FNDC10: variants seen among roughly 807,000 people sequenced by gnomAD.
FNDC10 encodes fibronectin type III domain containing 10, also known as fibronectin type III domain-containing protein 10.
In FNDC10, 8 loss-of-function variants were observed where a neutral mutation model predicts 11.6. That is an observed-to-expected ratio of 0.69 (90% CI 0.41 to 1.25). The LOEUF (loss-of-function observed/expected upper bound fraction) is 1.25. Among genes scored for constraint, FNDC10 ranks in the 50% most tolerant of loss-of-function variants. The pLI is 0.01. For synonymous variants in FNDC10, 187 were observed against 162.9 expected (o/e 1.15, Z -1.12); for missense variants, 308 against 330.2 (o/e 0.93, Z 0.52).
At position 1,598,830 on chromosome 1, in the gene FNDC10, G is replaced by C. The variant is rs571699735; in HGVS notation, c.*505C>G. 2.5e-5 allele frequency: 4 copies of C among 157,626 alleles called. No homozygotes were observed. The Admixed American group carries it at 2.6e-4, about 10-fold the overall frequency. 9.8% of individuals were successfully genotyped at this position (157,626 alleles called of 1,614,324 possible). On this transcript the variant is annotated 3_prime_UTR_variant, in exon 1 of 1. Transcript: ENST00000422725. ...CCACAGACCCCCCCTGGACAGCAGA[G>C]GGTGTTGGCTCCTGCAGTGGGCCCG...
At position 1,600,049 on chromosome 1, in the gene FNDC10, C is replaced by A. The variant is rs1171835037; in HGVS notation, c.-34G>T. The A allele has an allele frequency of 2.1e-6, 2 of 971,066 alleles. No homozygotes were observed. Among genetic ancestry groups the A allele is most frequent in the South Asian group, 9.4e-5 (2 of 21,250 alleles). 60.2% of individuals were successfully genotyped at this position (971,066 alleles called of 1,614,324 possible). On this transcript the variant is annotated 5_prime_UTR_variant, in exon 1 of 1. Coordinates refer to ENST00000422725, the MANE Select transcript of FNDC10 (RefSeq NM_001242659.2). ...GGGGCCACGGGGCGCGGCGCTGGGT[C>A]ACGCGGGCCGCGCCGCCGCCGTCCC... is the stretch of plus-strand genomic sequence containing the variant.
chr1:1,599,125 G>A lies in FNDC10; in HGVS notation c.*210C>T, dbSNP rs1249166485. The A allele has an allele frequency of 1.9e-5, 11 of 566,006 alleles. No homozygotes were observed. Among genetic ancestry groups the A allele is most frequent in the African/African-American group, 1.8e-4 (9 of 50,480 alleles). The allele number at this position is 566,006 out of a possible 1,614,324, so 35.1% of individuals were successfully genotyped here. On this transcript the variant is annotated 3_prime_UTR_variant, in exon 1 of 1. Transcript: ENST00000422725. The surrounding 1 kb of genome is among the most constrained non-coding windows in gnomAD (Gnocchi z 6.7). Reference sequence around the variant, plus strand: ...GGCTGGCACAGCAGCGCAAGCCCAGGGGCCAATCCGGGGCCAGAGTCTGGG... The same window carrying A: ...GGCTGGCACAGCAGCGCAAGCCCAGAGGCCAATCCGGGGCCAGAGTCTGGG...
Position 1,598,064 on chromosome 1 carries a change from C to A in FNDC10, c.*1271G>T, listed in dbSNP as rs139972353. 6.6e-6 allele frequency: 1 copy of A among 152,288 alleles called. No individual in the cohort carries two copies. Among genetic ancestry groups the A allele is most frequent in the African/African-American group, 2.4e-5 (1 of 41,442 alleles). 9.4% of individuals were successfully genotyped at this position (152,288 alleles called of 1,614,324 possible). On this transcript the variant is annotated 3_prime_UTR_variant, in exon 1 of 1. Transcript: ENST00000422725. ...CACTGGCGCCAGGTTTGCGCCTGAC[C>A]GGCGCCACGCAGGGGTGGGCGGAGC...
In FNDC10 at chr1:1,600,032, G is replaced by C; in HGVS notation, c.-17C>G. Reference sequence around the variant, plus strand: ...GGCGCGCATCCTGCGGCGGGGCCACGGGGCGCGGCGCTGGGTCACGCGGGC... The same window carrying C: ...GGCGCGCATCCTGCGGCGGGGCCACCGGGCGCGGCGCTGGGTCACGCGGGC... On this transcript the variant is annotated 5_prime_UTR_variant, in exon 1 of 1. Coordinates refer to ENST00000422725, the MANE Select transcript of FNDC10 (RefSeq NM_001242659.2). 1 of 977,900 alleles carries C rather than the reference G, an allele frequency of 1.0e-6. No homozygotes were observed. Among genetic ancestry groups the C allele is most frequent in the Non-Finnish European group, 1.2e-6 (1 of 826,268 alleles). The allele number at this position is 977,900 out of a possible 1,614,324, so 60.6% of individuals were successfully genotyped here.
rs1490580274 is a variant in FNDC10 at position 1,598,077 on chromosome 1, GGGTGGGCGGAGCAAAGACACACA to G, written c.*1235_*1257del. Reference sequence around the variant, plus strand: ...TTTGCGCCTGACCGGCGCCACGCAGGGGTGGGCGGAGCAAAGACACACAGGTGGGCTACAGGTGTCACACGGCA... The same window carrying G: ...TTTGCGCCTGACCGGCGCCACGCAGGGGTGGGCTACAGGTGTCACACGGCA... On this transcript the variant is annotated 3_prime_UTR_variant, in exon 1 of 1. Coordinates refer to ENST00000422725, the MANE Select transcript of FNDC10 (RefSeq NM_001242659.2). 6.6e-6 allele frequency: 1 copy of G among 152,354 alleles called. No individual in the cohort carries two copies. The highest frequency in any genetic ancestry group is 2.4e-5 in the African/African-American group (1 of 41,480). 9.4% of individuals were successfully genotyped at this position (152,354 alleles called of 1,614,324 possible).
Position 1,599,808 on chromosome 1 carries a change from C to T in FNDC10, c.208G>A (p.Val70Met). The change falls in exon 1 of 1, where the codon GTG becomes ATG. Residue 70 changes from valine (V) to methionine (M), a missense_variant. Transcript: ENST00000422725. This position sits in a 1 kb window ranked among gnomAD's most constrained non-coding sequence, Gnocchi z 6.7. ...GAGCGGCCGGCCGGGGCGTGCAGCA[C>T]GCAGCCCGGAGCCTGGCAGCGGAAG... ...RGFRCQAPGC[V>M]LHAPAGRSLR... The T allele has an allele frequency of 8.5e-7, 1 of 1,179,308 alleles. No individual in the cohort carries two copies. Among genetic ancestry groups the T allele is most frequent in the Non-Finnish European group, 1.0e-6 (1 of 958,708 alleles). 73.1% of individuals were successfully genotyped at this position (1,179,308 alleles called of 1,614,324 possible).
In FNDC10 at chr1:1,598,913, C is replaced by G. The variant is rs1019561576; in HGVS notation, c.*422G>C. 8 of 188,620 alleles carry G rather than the reference C, an allele frequency of 4.2e-5. No homozygotes were observed. The highest frequency in any genetic ancestry group is 1.9e-4 in the African/African-American group (8 of 42,632). 11.7% of individuals were successfully genotyped at this position (188,620 alleles called of 1,614,324 possible). A position where few individuals can be genotyped will look rare whatever the true frequency, so the allele number is the denominator to read the frequency against. On this transcript the variant is annotated 3_prime_UTR_variant, in exon 1 of 1. Coordinates refer to ENST00000422725, the MANE Select transcript of FNDC10 (RefSeq NM_001242659.2). ...GTGGGGTGGGGCGGGGCAGGACAGG[C>G]TTGGAGAGCTGCGCCCCAGGCCTGC...
chr1:1,599,338 G>T lies in FNDC10; in HGVS notation c.678C>A (p.Pro226=), dbSNP rs1241296209. 6.6e-7 allele frequency: 1 copy of T among 1,509,358 alleles called. No homozygotes were observed. The highest frequency in any genetic ancestry group is 2.6e-5 in the East Asian group (1 of 39,012). 93.5% of individuals were successfully genotyped at this position (1,509,358 alleles called of 1,614,324 possible). A position where few individuals can be genotyped will look rare whatever the true frequency, so the allele number is the denominator to read the frequency against. Reference sequence around the variant, plus strand: ...GATGGGCGGGCGGCCTCGCGCTTCAGGGGTGTCTGCGCAGGCCGGGGCGCG... The same window carrying T: ...GATGGGCGGGCGGCCTCGCGCTTCATGGGTGTCTGCGCAGGCCGGGGCGCG... The part of the protein sequence containing the change: ...ALARPGLRRH[P] Residue 226 remains proline, a synonymous_variant, in exon 1 of 1, where the codon CCC becomes CCA. Transcript: ENST00000422725. This position sits in a 1 kb window ranked among gnomAD's most constrained non-coding sequence, Gnocchi z 6.7.
chr1:1,599,527 C>T lies in FNDC10; in HGVS notation c.489G>A (p.Glu163=), dbSNP rs1480312873. The T allele has an allele frequency of 2.6e-6, 4 of 1,510,480 alleles. No individual in the cohort carries two copies. Among genetic ancestry groups the T allele is most frequent in the Non-Finnish European group, 3.5e-6 (4 of 1,138,328 alleles). The allele number at this position is 1,510,480 out of a possible 1,614,324, so 93.6% of individuals were successfully genotyped here. The change falls in exon 1 of 1, where the codon GAG becomes GAA. Residue 163 remains glutamate (E), a synonymous_variant. Coordinates refer to ENST00000422725, the MANE Select transcript of FNDC10 (RefSeq NM_001242659.2). The surrounding 1 kb of genome is among the most constrained non-coding windows in gnomAD (Gnocchi z 6.7). ...LRAGPAAAAP[E]TPEPAECVEF... is the part of the protein sequence containing the mutation. ...CCACGCACTCGGCCGGCTCGGGGGTCTCTGGCGCGGCGGCGGCGGGCCCAG... is the reference window on the plus strand; with the variant it reads ...CCACGCACTCGGCCGGCTCGGGGGTTTCTGGCGCGGCGGCGGCGGGCCCAG...
Position 1,599,862 on chromosome 1 carries a change from G to A in FNDC10, c.154C>T (p.Arg52Cys), listed in dbSNP as rs1480416140. ...LPEGPEAGGG[R>C]LCFRSPARGF... Reference sequence around the variant, plus strand: ...CGCGCGGGGCTGCGGAAGCACAGGCGCCCGCCGCCCGCCTCGGGGCCCTCG... The same window carrying A: ...CGCGCGGGGCTGCGGAAGCACAGGCACCCGCCGCCCGCCTCGGGGCCCTCG... The change falls in exon 1 of 1, where the codon CGC becomes TGC. Residue 52 changes from arginine (R) to cysteine (C), a missense_variant. By Grantham distance (180) the Arg-to-Cys change is radical. Coordinates refer to ENST00000422725, the MANE Select transcript of FNDC10 (RefSeq NM_001242659.2). This position sits in a 1 kb window ranked among gnomAD's most constrained non-coding sequence, Gnocchi z 6.7. The A allele has an allele frequency of 2.1e-5, 22 of 1,039,454 alleles. No homozygotes were observed. The highest frequency in any genetic ancestry group is 1.1e-4 in the Admixed American group (2 of 17,760). The allele number at this position is 1,039,454 out of a possible 1,614,324, so 64.4% of individuals were successfully genotyped here. A position where few individuals can be genotyped will look rare whatever the true frequency, so the allele number is the denominator to read the frequency against.
Position 1,599,214 on chromosome 1 carries a change from G to T in FNDC10, c.*121C>A. The T allele has an allele frequency of 1.0e-6, 1 of 997,082 alleles. No individual in the cohort carries two copies. The highest frequency in any genetic ancestry group is 1.4e-6 in the Non-Finnish European group (1 of 713,822). 61.8% of individuals were successfully genotyped at this position (997,082 alleles called of 1,614,324 possible). On this transcript the variant is annotated 3_prime_UTR_variant, in exon 1 of 1. Coordinates refer to ENST00000422725, the MANE Select transcript of FNDC10 (RefSeq NM_001242659.2). The surrounding 1 kb of genome is among the most constrained non-coding windows in gnomAD (Gnocchi z 6.7). ...AAAGTGCCGGAGCCGTCGCCGGCAG[G>T]TCCTCCTCCGCGGGGATCTTAAGGA...
At position 1,599,162 on chromosome 1, in the gene FNDC10, C is replaced by T. The variant is rs1377607553; in HGVS notation, c.*173G>A. 1.1e-5 allele frequency: 7 copies of T among 632,572 alleles called. No individual in the cohort carries two copies. The highest frequency in any genetic ancestry group is 1.8e-5 in the Non-Finnish European group (7 of 385,390). 39.2% of individuals were successfully genotyped at this position (632,572 alleles called of 1,614,324 possible). On this transcript the variant is annotated 3_prime_UTR_variant, in exon 1 of 1. Transcript: ENST00000422725. This position sits in a 1 kb window ranked among gnomAD's most constrained non-coding sequence, Gnocchi z 6.7. ...GGCCAGAGTCTGGGAGTCTGACGCC[C>T]GGCTGGAAAGGGCGTGTGATGATGC...
At position 1,599,963 on chromosome 1, in the gene FNDC10, C is replaced by T; in HGVS notation, c.53G>A (p.Cys18Tyr). 1.0e-6 allele frequency: 1 copy of T among 984,872 alleles called. No homozygotes were observed. Among genetic ancestry groups the T allele is most frequent in the Non-Finnish European group, 1.2e-6 (1 of 831,130 alleles). 61.0% of individuals were successfully genotyped at this position (984,872 alleles called of 1,614,324 possible). Reference protein sequence around the residue: ...LLLAACAPPPCAAAAPTPPGW... With the variant: ...LLLAACAPPPYAAAAPTPPGW... ...CGGCGGCGTCGGGGCGGCCGCGGCG[C>T]AGGGCGGCGGCGCGCAGGCGGCCAG... The change falls in exon 1 of 1, where the codon TGC becomes TAC. Residue 18 changes from cysteine to tyrosine, a missense_variant. Physicochemically the swap from Cys to Tyr is radical, Grantham distance 194 (BLOSUM62 -2). Transcript: ENST00000422725. The surrounding 1 kb of genome is among the most constrained non-coding windows in gnomAD (Gnocchi z 6.7).
chr1:1,599,660 A>G lies in FNDC10; in HGVS notation c.356T>C (p.Phe119Ser). ...NCSWRGAYTR[F>S]PCERVLLGAS... ...CCCGAGGAGCACGCGCTCGCACGGG[A>G]AGCGCGTGTAGGCGCCGCGCCACGA... The change falls in exon 1 of 1, where the codon TTC becomes TCC. Residue 119 changes from phenylalanine (F) to serine (S), a missense_variant. Phe to Ser is a radical substitution (Grantham distance 155). Coordinates refer to ENST00000422725, the MANE Select transcript of FNDC10 (RefSeq NM_001242659.2). The surrounding 1 kb of genome is among the most constrained non-coding windows in gnomAD (Gnocchi z 6.7). 1 of 1,458,176 alleles carries G rather than the reference A, an allele frequency of 6.9e-7. No homozygotes were observed. Among genetic ancestry groups the G allele is most frequent in the Non-Finnish European group, 9.0e-7 (1 of 1,108,608 alleles). 90.3% of individuals were successfully genotyped at this position (1,458,176 alleles called of 1,614,324 possible).
Position 1,599,257 on chromosome 1 carries a change from G to C in FNDC10, c.*78C>G. 7.6e-7 allele frequency: 1 copy of C among 1,320,298 alleles called. No homozygotes were observed. The highest frequency in any genetic ancestry group is 2.9e-5 in the Admixed American group (1 of 34,770). The allele number at this position is 1,320,298 out of a possible 1,614,324, so 81.8% of individuals were successfully genotyped here. Reference sequence around the variant, plus strand: ...CTTAAGGAGGCAGCAGGAATGAGGAGAGGAGAGCGGGCGGAGGACCTGGGA... The same window carrying C: ...CTTAAGGAGGCAGCAGGAATGAGGACAGGAGAGCGGGCGGAGGACCTGGGA... On this transcript the variant is annotated 3_prime_UTR_variant, in exon 1 of 1. Coordinates refer to ENST00000422725, the MANE Select transcript of FNDC10 (RefSeq NM_001242659.2). This position sits in a 1 kb window ranked among gnomAD's most constrained non-coding sequence, Gnocchi z 6.7.
Position 1,599,544 on chromosome 1 carries a change from C to T in FNDC10, c.472G>A (p.Ala158Thr), listed in dbSNP as rs1643086698. 1.3e-6 allele frequency: 2 copies of T among 1,504,212 alleles called. No individual in the cohort carries two copies. The highest frequency in any genetic ancestry group is 1.8e-6 in the Non-Finnish European group (2 of 1,135,940). 93.2% of individuals were successfully genotyped at this position (1,504,212 alleles called of 1,614,324 possible). ...LQPLPLRAGP[A>T]AAAPETPEPA... ...TCGGGGGTCTCTGGCGCGGCGGCGG[C>T]GGGCCCAGCGCGCAGCGGCAGCGGC... The change falls in exon 1 of 1, where the codon GCC becomes ACC. Residue 158 changes from alanine to threonine, a missense_variant. Physicochemically the swap from Ala to Thr is moderately conservative, Grantham distance 58 (BLOSUM62 0). Coordinates refer to ENST00000422725, the MANE Select transcript of FNDC10 (RefSeq NM_001242659.2). The surrounding 1 kb of genome is among the most constrained non-coding windows in gnomAD (Gnocchi z 6.7).
chr1:1,599,741 T>A lies in FNDC10; in HGVS notation c.275A>T (p.Gln92Leu). 1 of 1,311,764 alleles carries A rather than the reference T, an allele frequency of 7.6e-7. No individual in the cohort carries two copies. Among genetic ancestry groups the A allele is most frequent in the East Asian group, 3.3e-5 (1 of 30,180 alleles). 81.3% of individuals were successfully genotyped at this position (1,311,764 alleles called of 1,614,324 possible). Residue 92 changes from glutamine (Q) to leucine (L), a missense_variant, in exon 1 of 1, where the codon CAG (glutamine) becomes CTG (leucine). Physicochemically the swap from Gln to Leu is moderately radical, Grantham distance 113. Coordinates refer to ENST00000422725, the MANE Select transcript of FNDC10 (RefSeq NM_001242659.2). The surrounding 1 kb of genome is among the most constrained non-coding windows in gnomAD (Gnocchi z 6.7). ...CGCGGCGGCCGGGGCCAGGCGCCACTGCAGGAGGACGCTGCGGTTGCGCAG... is the reference window on the plus strand; with the variant it reads ...CGCGGCGGCCGGGGCCAGGCGCCACAGCAGGAGGACGCTGCGGTTGCGCAG... ...SVLRNRSVLLQWRLAPAAARR... is the reference protein window; with the variant it reads ...SVLRNRSVLLLWRLAPAAARR...
Position 1,599,735 on chromosome 1 carries a change from C to A in FNDC10, c.281G>T (p.Arg94Leu). 1 of 1,321,416 alleles carries A rather than the reference C, an allele frequency of 7.6e-7. No homozygotes were observed. Among genetic ancestry groups the A allele is most frequent in the African/African-American group, 1.6e-5 (1 of 64,228 alleles). The allele number at this position is 1,321,416 out of a possible 1,614,324, so 81.9% of individuals were successfully genotyped here. The part of the protein sequence containing the change: ...LRNRSVLLQW[R>L]LAPAAARRVR... ...GCGGCGCGCGGCGGCCGGGGCCAGG[C>A]GCCACTGCAGGAGGACGCTGCGGTT... Residue 94 changes from arginine to leucine, a missense_variant, in exon 1 of 1, where the codon CGC becomes CTC. Arg to Leu is a moderately radical substitution (Grantham distance 102). Coordinates refer to ENST00000422725, the MANE Select transcript of FNDC10 (RefSeq NM_001242659.2). This position sits in a 1 kb window ranked among gnomAD's most constrained non-coding sequence, Gnocchi z 6.7.
chr1:1,599,957 G>C lies in FNDC10; in HGVS notation c.59C>G (p.Ala20Gly), dbSNP rs897239408. 1 of 984,772 alleles carries C rather than the reference G, an allele frequency of 1.0e-6. No individual in the cohort carries two copies. 61.0% of individuals were successfully genotyped at this position (984,772 alleles called of 1,614,324 possible). A position where few individuals can be genotyped will look rare whatever the true frequency, so the allele number is the denominator to read the frequency against. The change falls in exon 1 of 1, where the codon GCG (alanine) becomes GGG (glycine). Residue 20 changes from alanine to glycine, a missense_variant. Physicochemically the swap from Ala to Gly is moderately conservative, Grantham distance 60. Coordinates refer to ENST00000422725, the MANE Select transcript of FNDC10 (RefSeq NM_001242659.2). The surrounding 1 kb of genome is among the most constrained non-coding windows in gnomAD (Gnocchi z 6.7). Reference sequence around the variant, plus strand: ...CCAGCCCGGCGGCGTCGGGGCGGCCGCGGCGCAGGGCGGCGGCGCGCAGGC... The same window carrying C: ...CCAGCCCGGCGGCGTCGGGGCGGCCCCGGCGCAGGGCGGCGGCGCGCAGGC... ...LAACAPPPCA[A>G]AAPTPPGWEP...
Sources: gnomAD v4.1 joint callset for allele counts on GRCh38, gnomAD v4.1.1 for gene constraint, Gnocchi (gnomAD v3.1) non-coding constraint, MANE v1.5 for transcripts, NCBI Gene and HGNC (gene_info 2026-07-23, HGNC 2026-07-21) for gene names.